MIOS: variants seen among roughly 807,000 people sequenced by gnomAD.
MIOS encodes the protein meiosis regulator for oocyte development.
In MIOS, 52 loss-of-function variants were observed where a neutral mutation model predicts 96.9. The observed-to-expected ratio is 0.54, with a 90% CI of 0.43 to 0.68. MIOS has a LOEUF of 0.68. MIOS is among the 30% of genes least tolerant of loss of function. The probability of loss-of-function intolerance (pLI) is 0.00; values close to 1 mark genes in which losing one functional copy is unlikely to be tolerated. For missense variants in MIOS, 1,005 were observed against 1,052.8 expected (o/e 0.95, Z 0.63); for synonymous variants, 397 against 359.5 (o/e 1.10, Z -1.18).
intron 11 of MIOS, among the ~76,000 whole-genome samples, chr7:7,603,443 C>G: frequency 6.6e-6 from 1 of 152,168 alleles, no homozygotes; most frequent in East Asian, 1.9e-4. Context: ...TTTATGCAGC[C>G]AAAAAACACG....
intron 11 of MIOS, among the ~76,000 whole-genome samples, chr7:7,602,625 A>C (rs572560475): frequency 6.6e-6 from 1 of 152,346 alleles, no homozygotes; most frequent in African/African-American, 2.4e-5. Flanking sequence ...GGAAGAATCA[A>C]TATCATGAAA....
At position 7,607,185 on chromosome 7, in the gene MIOS, T is replaced by G. The variant is rs1326628591; in HGVS notation, c.*93T>G. 2.3e-6 allele frequency: 2 copies of G among 865,298 alleles called. No homozygotes were observed. The highest frequency in any genetic ancestry group is 3.6e-6 in the Non-Finnish European group (2 of 554,318). The allele number at this position is 865,298 out of a possible 1,614,324, so 53.6% of individuals were successfully genotyped here. On this transcript the variant is annotated 3_prime_UTR_variant, in exon 13 of 13. Transcript: ENST00000340080. ...AACATACCTCAGAACAAGCCATTCA[T>G]GACTTACCTGTAATGGGAAAATAAA...
chr7:7,605,982 C>CA lies in MIOS; in HGVS notation c.2448dup (p.Leu817IlefsTer5), dbSNP rs1784519461. 6.2e-7 allele frequency: 1 copy of CA among 1,613,800 alleles called. No homozygotes were observed. The highest frequency in any genetic ancestry group is 1.1e-5 in the South Asian group (1 of 91,082). ...ATGAAAAAGTGGACTTGAGCAAGGACAAAAAATTAGCCCAATTTAACAACT... is the reference window on the plus strand; with the variant it reads ...ATGAAAAAGTGGACTTGAGCAAGGACAAAAAAATTAGCCCAATTTAACAACT... On this transcript the variant is annotated frameshift_variant, in exon 12 of 13. Coordinates refer to ENST00000340080, the MANE Select transcript of MIOS (RefSeq NM_019005.4).
Position 7,586,198 on chromosome 7 carries a change from TTAAA to T in MIOS, c.1818+398_1818+401del, listed in dbSNP as rs1310680098. ...TGTGTGTGTGTGTGTGTGTGTGTAG[TTAAA>T]TAAAACAACTCACGATTATTGATCA... On this transcript the variant is annotated intron_variant, in intron 7 of 12. Transcript: ENST00000340080. Among the ~76,000 whole-genome samples, 4 of 147,896 alleles carry T rather than the reference TTAAA, an allele frequency of 2.7e-5. No homozygotes were observed. In the Admixed American group the frequency reaches 2.7e-4, roughly 10 times the overall value.
intron 6 of MIOS, among the ~76,000 whole-genome samples, chr7:7,584,827 A>G (rs1783835458): frequency 6.6e-6 from 1 of 152,178 alleles, no homozygotes; most frequent in African/African-American, 2.4e-5. Context: ...AGGCAGCCAT[A>G]CTGCTGAAGG....
intron 10 of MIOS, 121 bp downstream of exon 10, chr7:7,595,253 A>T: frequency 9.2e-7 from 1 of 1,085,974 alleles, no homozygotes. Flanking sequence ...TCTTTTGTAG[A>T]CTGAACTTTG....
chr7:7,574,104 A>G lies in MIOS; in HGVS notation c.1301A>G (p.Lys434Arg). ...TTCCTATGCATTTAAATACTTATGA[A>G]GCAATACACAGAAGATATGGATCAG... ...KSLWYTLHFM[K>R]QYTEDMDQKS... The change falls in exon 5 of 13, where the codon AAG becomes AGG. Residue 434 changes from lysine to arginine, a missense_variant. Around this residue, in one of 3 missense-constraint regions of MIOS, gnomAD observed 865 missense variants for 887.9 expected, o/e 0.97. Transcript: ENST00000340080. 1 of 1,599,232 alleles carries G rather than the reference A, an allele frequency of 6.3e-7. No individual in the cohort carries two copies. The highest frequency in any genetic ancestry group is 8.5e-7 in the Non-Finnish European group (1 of 1,170,790).
intron 11 of MIOS, among the ~76,000 whole-genome samples, chr7:7,603,554 A>G (rs1419040153): frequency 6.6e-6 from 1 of 152,226 alleles, no homozygotes; most frequent in Non-Finnish European, 1.5e-5. Context: ...TTAAAAAGTC[A>G]GGAAACAACA....
chr7:7,595,933 A>C (rs2115464648), intron 10 of MIOS, among the ~76,000 whole-genome samples: 1 of 152,304 alleles, frequency 6.6e-6, no homozygotes, highest in East Asian at 1.9e-4. Context: ...TGTGGTTTAG[A>C]AGTCATATTG....
chr7:7,585,790 T>C lies in MIOS; in HGVS notation c.1803T>C (p.Ser601=), dbSNP rs1783869687. The C allele has an allele frequency of 1.2e-6, 2 of 1,607,188 alleles. No homozygotes were observed. The highest frequency in any genetic ancestry group is 1.7e-5 in the Admixed American group (1 of 58,648). ...CATTTCTGACAAGTGAAACAGGATC[T>C]TACGATGGAGTTTTGGTAAGCTAAC... The part of the protein sequence containing the change: ...MFAFLTSETG[S]YDGVLYENKV... Residue 601 remains serine, a synonymous_variant, in exon 7 of 13, where the codon TCT becomes TCC. Coordinates refer to ENST00000340080, the MANE Select transcript of MIOS (RefSeq NM_019005.4).
rs568459761 is a variant in MIOS at position 7,569,257 on chromosome 7, T to C, written c.-41+1134T>C. ...GAGGTGCCCCTCTTCCTCCTCATTC[T>C]TAAATTTTGAAACTCTTTTTAAGGT... On this transcript the variant is annotated intron_variant, in intron 3 of 12. Transcript: ENST00000340080. Among the ~76,000 whole-genome samples, 182 of 152,342 alleles carry C rather than the reference T, an allele frequency of 1.2e-3. 1 individual carries two copies. The highest frequency in any genetic ancestry group is 4.2e-3 in the African/African-American group (173 of 41,574).
intron 11 of MIOS, among the ~76,000 whole-genome samples, chr7:7,602,108 C>G (rs1368287836): frequency 1.3e-5 from 2 of 152,138 alleles, no homozygotes; most frequent in Admixed American, 1.3e-4. Context: ...ACACCCACAG[C>G]CAATATCATA....
intron 3 of MIOS, among the ~76,000 whole-genome samples, chr7:7,568,406 A>G (rs1465940014): frequency 2.0e-5 from 3 of 152,080 alleles, no homozygotes; most frequent in Admixed American, 1.3e-4. Flanking sequence ...CTGACTCTAG[A>G]TTGTTTTCTT....
intron 9 of MIOS, among the ~76,000 whole-genome samples, chr7:7,591,662 T>C (rs932579312): frequency 2.0e-5 from 3 of 152,216 alleles, no homozygotes; most frequent in Admixed American, 6.5e-5. Context: ...ATATGTAGGA[T>C]AATCTTTTTG....
rs1006169081 is a variant in MIOS, at chr7:7,572,160, A to G, written c.-40-276A>G. Among the ~76,000 whole-genome samples, 11 of 152,242 alleles carry G rather than the reference A, an allele frequency of 7.2e-5. 1 individual carries two copies. The highest frequency in any genetic ancestry group is 2.7e-4 in the African/African-American group (11 of 41,470). ...ACTCTGAAGTTAAGCTGAAGGTACTAGTAACAGTGCAATTAAGATAATTGA... is the reference window on the plus strand; with the variant it reads ...ACTCTGAAGTTAAGCTGAAGGTACTGGTAACAGTGCAATTAAGATAATTGA... On this transcript the variant is annotated intron_variant, in intron 3 of 12. Coordinates refer to ENST00000340080, the MANE Select transcript of MIOS (RefSeq NM_019005.4). This position sits in a 1 kb window ranked among gnomAD's most constrained non-coding sequence, Gnocchi z 4.8.
At chr7:7,577,129 A>C (rs946447140) in intron 5 of MIOS, among the ~76,000 whole-genome samples, 3 of 152,202 alleles carry the variant, frequency 2.0e-5, no homozygotes, top group African/African-American at 7.2e-5. Context: ...AGTAAGAAAG[A>C]GATGGCTTAA....
At chr7:7,567,871 T>G (rs1783199351) in intron 2 of MIOS, among the ~76,000 whole-genome samples, 155 bp from the exon 3 acceptor site, 1 of 152,224 alleles carries the variant, frequency 6.6e-6, no homozygotes, top group African/African-American at 2.4e-5. Context: ...TCCTCAATAA[T>G]TTTTGCATTG....
intron 8 of MIOS, among the ~76,000 whole-genome samples, chr7:7,589,139 T>C (rs545326119): frequency 6.6e-6 from 1 of 152,288 alleles, no homozygotes; most frequent in Admixed American, 6.5e-5. Context: ...AGGACAATTA[T>C]CTTTAAAATA....
chr7:7,606,074 A>G lies in MIOS; in HGVS notation c.2531+3A>G. 6.2e-7 allele frequency: 1 copy of G among 1,613,478 alleles called. No homozygotes were observed. Among genetic ancestry groups the G allele is most frequent in the Non-Finnish European group, 8.5e-7 (1 of 1,179,602 alleles). ...GGACATATGCTTAGTTGGTTCAGGTAATCAGCACATTTCTTCTTTGATAGG... is the reference window on the plus strand; with the variant it reads ...GGACATATGCTTAGTTGGTTCAGGTGATCAGCACATTTCTTCTTTGATAGG... On this transcript the variant is annotated splice_donor_region_variant and intron_variant, in intron 12 of 12. Coordinates refer to ENST00000340080, the MANE Select transcript of MIOS (RefSeq NM_019005.4).
Sources: allele counts gnomAD v4.1 joint callset (sites outside exome capture counted in the v4.1 genomes callset), GRCh38; gene constraint gnomAD v4.1.1; regional missense constraint gnomAD v4.1.1; non-coding constraint Gnocchi (gnomAD v3.1); transcripts MANE v1.5; gene names NCBI Gene and HGNC (gene_info 2026-07-23, HGNC 2026-07-21).